KIF7: variants seen among roughly 807,000 people sequenced by gnomAD.
The protein encoded by KIF7 is kinesin family member 7.
KIF7 carries 104 observed loss-of-function variants against 135.7 expected under a neutral mutation model. The ratio of observed to expected loss-of-function variants is 0.77; its 90% CI spans 0.65 to 0.90. The LOEUF (loss-of-function observed/expected upper bound fraction) is 0.90. Ranked by LOEUF, KIF7 falls within the 40% of genes least tolerant of loss-of-function variation. The pLI is 0.00. For synonymous variants in KIF7, 883 were observed against 809.4 expected (o/e 1.09, Z -1.54); for missense variants, 2,005 against 1,839.1 (o/e 1.09, Z -1.65).
chr15:89,631,668 G>A lies in KIF7; in HGVS notation c.2938C>T (p.His980Tyr). The A allele has an allele frequency of 6.4e-7, 1 of 1,558,710 alleles. No individual in the cohort carries two copies. Among genetic ancestry groups the A allele is most frequent in the Non-Finnish European group, 8.7e-7 (1 of 1,150,190 alleles). ...DIVRVSSRLEHLEKELSEKSG... is the reference protein window; with the variant it reads ...DIVRVSSRLEYLEKELSEKSG... ...TTCTCGGACAGCTCCTTCTCCAGGT[G>A]CTCCAGCCGGCTGGACACTCGCACG... is the stretch of plus-strand genomic sequence containing the variant. Residue 980 changes from histidine (H) to tyrosine (Y), a missense_variant, in exon 15 of 19, where the codon CAC (histidine) becomes TAC (tyrosine). Transcript: ENST00000394412.
At chr15:89,633,604 C>A (rs1183321438) in intron 12 of KIF7, 82 bp downstream of exon 12, 1 of 1,499,422 alleles carries the variant, frequency 6.7e-7, no homozygotes, top group Admixed American at 1.9e-5. Flanking sequence ...GGGTTGCAAA[C>A]CCTGCCTGGG....
At chr15:89,623,703 G>A (rs371643084), downstream of KIF7, 42 of 1,613,988 alleles carry the variant, frequency 2.6e-5, no homozygotes, top group Admixed American at 6.7e-5. Flanking sequence ...CACAAACTCC[G>A]TTGTATACTC....
intron 15 of KIF7, chr15:89,631,187 T>C: frequency 2.5e-6 from 1 of 399,024 alleles, no homozygotes; most frequent in Non-Finnish European, 4.6e-6. Flanking sequence ...CGCCTGACAC[T>C]CCACACACGA....
intron 3 of KIF7, 95 bp downstream of exon 3, chr15:89,649,646 G>A (rs1964091476): frequency 1.5e-6 from 2 of 1,351,176 alleles, no homozygotes; most frequent in South Asian, 1.4e-5. Flanking sequence ...TTTCCATGAG[G>A]AGTTGCCATT....
At chr15:89,625,280 CCT>C, downstream of KIF7, 2 of 1,614,040 alleles carry the variant, frequency 1.2e-6, no homozygotes, top group Non-Finnish European at 1.7e-6. Context: ...TCTAGTACCC[CCT>C]CTCCATTTCA....
chr15:89,624,807 TTCTC>T, downstream of KIF7: 1 of 1,614,168 alleles, frequency 6.2e-7, no homozygotes, highest in Non-Finnish European at 8.5e-7. Flanking sequence ...CTGAGAAGTC[TTCTC>T]TGTCTCACCC....
At chr15:89,629,321 G>C in intron 17 of KIF7, 54 bp downstream of exon 17, 1 of 1,380,420 alleles carries the variant, frequency 7.2e-7, no homozygotes, top group Non-Finnish European at 9.6e-7. Flanking sequence ...GGGAAGATGG[G>C]GGTGGGGGGG....
At chr15:89,641,216 C>A (rs1262773425) in intron 11 of KIF7, among the ~76,000 whole-genome samples, 1 of 151,722 alleles carries the variant, frequency 6.6e-6, no homozygotes, top group African/African-American at 2.4e-5. Flanking sequence ...GGAAGAGATA[C>A]CAGGGCTACA....
chr15:89,625,574 G>A, downstream of KIF7: 1 of 1,612,920 alleles, frequency 6.2e-7, no homozygotes, highest in Non-Finnish European at 8.5e-7. Context: ...CCCAGGAACA[G>A]CATGCCTAAG....
At chr15:89,633,565 T>C in intron 12 of KIF7, 121 bp downstream of exon 12, 1 of 1,101,890 alleles carries the variant, frequency 9.1e-7, no homozygotes. Context: ...TCAGGCTAAG[T>C]GACCTGCTTT....
intron 1 of KIF7, chr15:89,619,809 CAA>C (rs756521772): frequency 1.9e-5 from 30 of 1,613,384 alleles, no homozygotes; most frequent in Non-Finnish European, 2.2e-5. Flanking sequence ...TCGAAGTGTG[CAA>C]AGAGTCCACT....
At chr15:89,647,572 C>T (rs1311421746) in intron 6 of KIF7, 24 bp downstream of exon 6, 1 of 1,591,706 alleles carries the variant, frequency 6.3e-7, no homozygotes, top group South Asian at 1.1e-5. Flanking sequence ...AAGCCTTCCC[C>T]GCACTGTGAA....
Position 89,649,496 on chromosome 15 carries a change from G to C in KIF7, c.530-129C>G, listed in dbSNP as rs370152268. ...CACTGCTCCCTCCCCATGCCCACGG[G>C]GTACTGCCCTTCCTAGTTCCGGCTT... On this transcript the variant is annotated intron_variant, in intron 3 of 18. Transcript: ENST00000394412. 478 of 1,153,304 alleles carry C rather than the reference G, an allele frequency of 4.1e-4. 2 individuals are homozygous for C. The African/African-American group carries it at 6.9e-3, about 17-fold the overall frequency. 71.4% of individuals were successfully genotyped at this position (1,153,304 alleles called of 1,614,324 possible). A position where few individuals can be genotyped will look rare whatever the true frequency, so the allele number is the denominator to read the frequency against.
chr15:89,631,355 C>T (rs756752821), intron 15 of KIF7, 140 bp downstream of exon 15: 1 of 754,502 alleles, frequency 1.3e-6, no homozygotes, highest in Admixed American at 2.6e-5. Context: ...CCCCAGCCCC[C>T]ACCTCCACCT....
At chr15:89,642,040 G>T (rs72750754) in intron 11 of KIF7, among the ~76,000 whole-genome samples, 163 bp downstream of exon 11, 6 of 151,774 alleles carry the variant, frequency 4.0e-5, no homozygotes, top group African/African-American at 1.5e-4. Flanking sequence ...AAAGCTGGGC[G>T]GACCCCCAGC....
upstream of KIF7, among the ~76,000 whole-genome samples, chr15:89,655,620 T>C (rs903208735): frequency 3.9e-5 from 6 of 152,070 alleles, no homozygotes; most frequent in Non-Finnish European, 5.9e-5. Context: ...GGGCTGGGCC[T>C]GGAGAGTGTG....
At chr15:89,635,536 G>A (rs2142005679) in intron 11 of KIF7, among the ~76,000 whole-genome samples, 1 of 152,328 alleles carries the variant, frequency 6.6e-6, no homozygotes, top group East Asian at 1.9e-4. Context: ...GAATGCAGAA[G>A]CCTCAGGAGC....
At chr15:89,619,732 G>A (rs779953659) in intron 1 of KIF7, 9 of 1,612,606 alleles carry the variant, frequency 5.6e-6, no homozygotes, top group Admixed American at 1.7e-5. Flanking sequence ...CGAAGTCCTC[G>A]AATCAAGCAG....
upstream of KIF7, among the ~76,000 whole-genome samples, chr15:89,657,525 C>A (rs1964220753): frequency 6.6e-6 from 1 of 152,116 alleles, no homozygotes; most frequent in African/African-American, 2.4e-5. Context: ...GTATCAGTAG[C>A]ACTCATATGC....
Sources: gnomAD v4.1 joint callset for allele counts (sites outside exome capture counted in the v4.1 genomes callset) on GRCh38, gnomAD v4.1.1 for gene constraint, MANE v1.5 for transcripts, NCBI Gene and HGNC (gene_info 2026-07-23, HGNC 2026-07-21) for gene names.